The following ZC3H15 variants were observed in gnomAD, a reference collection of about 807,000 sequenced individuals.
The protein encoded by ZC3H15 is zinc finger CCCH-type containing 15.
ZC3H15 carries 15 observed loss-of-function variants against 51.2 expected under a neutral mutation model. The observed-to-expected ratio is 0.29, with a 90% CI of 0.20 to 0.45. The LOEUF (loss-of-function observed/expected upper bound fraction) is 0.45, where lower values mean the gene tolerates loss of function less well. ZC3H15 is among the 20% of genes least tolerant of loss of function. The pLI is 1.00. For missense variants in ZC3H15, 381 were observed against 494.7 expected (o/e 0.77, Z 2.18); for synonymous variants, 144 against 162.8 (o/e 0.88, Z 0.88).
intron 2 of ZC3H15, chr2:186,499,729 A>G (rs766743122): frequency 2.6e-6 from 1 of 384,688 alleles, no homozygotes; most frequent in Non-Finnish European, 5.1e-6. Flanking sequence ...TTTGTTTAAT[A>G]TCCTACATTG....
At chr2:186,494,719 G>A (rs1685254392) in intron 1 of ZC3H15, among the ~76,000 whole-genome samples, 1 of 152,096 alleles carries the variant, frequency 6.6e-6, no homozygotes, top group Middle Eastern at 3.4e-3. Flanking sequence ...CTATCGCAAG[G>A]ACAAAAAACC....
chr2:186,499,342 T>C (rs1428504241), intron 2 of ZC3H15, among the ~76,000 whole-genome samples: 1 of 152,228 alleles, frequency 6.6e-6, no homozygotes, highest in Non-Finnish European at 1.5e-5. Flanking sequence ...TGATGCAATC[T>C]AAGCATCTTA....
intron 9 of ZC3H15, 106 bp from the exon 10 acceptor site, chr2:186,508,437 G>C: frequency 1.0e-6 from 1 of 999,148 alleles, no homozygotes; most frequent in Non-Finnish European, 1.5e-6. Context: ...GGCTTTCATG[G>C]AGAAAAGGAA....
intron 1 of ZC3H15, among the ~76,000 whole-genome samples, chr2:186,494,397 C>A (rs1383251453): frequency 6.6e-6 from 1 of 152,066 alleles, no homozygotes; most frequent in African/African-American, 2.4e-5. Context: ...ATGTATCTTC[C>A]TCTTCTTATG....
At chr2:186,501,533 T>C in intron 4 of ZC3H15, 108 bp downstream of exon 4, 2 of 886,172 alleles carry the variant, frequency 2.3e-6, no homozygotes, top group Non-Finnish European at 3.2e-6. Flanking sequence ...AGACTGTTTA[T>C]AAAAAATAAT....
In ZC3H15 at chr2:186,501,560, T is replaced by G; in HGVS notation, c.442+135T>G. The G allele has an allele frequency of 3.9e-6, 3 of 765,154 alleles. 1 individual carries two copies. Among genetic ancestry groups the G allele is most frequent in the Non-Finnish European group, 3.9e-6 (2 of 511,818 alleles). The allele number at this position is 765,154 out of a possible 1,614,324, so 47.4% of individuals were successfully genotyped here. A position where few individuals can be genotyped will look rare whatever the true frequency, so the allele number is the denominator to read the frequency against. Reference sequence around the variant, plus strand: ...AAAAATAATTAATTGGGTTTATTATTTTTTATAAAATCTGAAAATTACCAT... The same window carrying G: ...AAAAATAATTAATTGGGTTTATTATGTTTTATAAAATCTGAAAATTACCAT... On this transcript the variant is annotated intron_variant, in intron 4 of 9. Transcript: ENST00000337859.
At chr2:186,508,439 GA>G in intron 9 of ZC3H15, 103 bp from the exon 10 acceptor site, 2 of 1,016,032 alleles carry the variant, frequency 2.0e-6, no homozygotes, top group Non-Finnish European at 2.9e-6. Context: ...CTTTCATGGA[GA>G]AAAGGAAAAG....
chr2:186,507,308 A>G (rs532921365), intron 9 of ZC3H15: 2 of 431,062 alleles, frequency 4.6e-6, no homozygotes, highest in South Asian at 1.6e-5. Flanking sequence ...GTAATTGGTT[A>G]TAGGAATAGG....
intron 1 of ZC3H15, chr2:186,488,709 C>T (rs557207778): frequency 6.6e-6 from 1 of 152,156 alleles, no homozygotes; most frequent in African/African-American, 2.4e-5. Context: ...CTAATGGAGT[C>T]ATCTGTAGGG....
At chr2:186,490,610 C>T (rs1685180257) in intron 1 of ZC3H15, among the ~76,000 whole-genome samples, 1 of 152,178 alleles carries the variant, frequency 6.6e-6, no homozygotes, top group Non-Finnish European at 1.5e-5. Flanking sequence ...CTTCTGCCTA[C>T]CCGAATGTCC....
At chr2:186,501,987 G>A (rs1685392842) in intron 4 of ZC3H15, among the ~76,000 whole-genome samples, 1 of 152,046 alleles carries the variant, frequency 6.6e-6, no homozygotes, top group African/African-American at 2.4e-5. Flanking sequence ...TGGGATTACA[G>A]GCATGAGCCA....
At chr2:186,505,638 A>G (rs1387887628) in intron 7 of ZC3H15, 41 bp downstream of exon 7, 8 of 1,598,470 alleles carry the variant, frequency 5.0e-6, no homozygotes, top group Admixed American at 3.4e-5. Flanking sequence ...TTATTCTTCC[A>G]TTTTCAATTT....
intron 2 of ZC3H15, among the ~76,000 whole-genome samples, chr2:186,498,943 T>C (rs1479414627): frequency 6.6e-6 from 1 of 152,186 alleles, no homozygotes; most frequent in Non-Finnish European, 1.5e-5. Context: ...TCAAAAGAGC[T>C]CTACCCAGAT....
rs1248855472 is a variant in ZC3H15, at chr2:186,504,051, A to G, written c.554A>G (p.Glu185Gly). Residue 185 changes from glutamate (E) to glycine (G), a missense_variant, in exon 6 of 10, where the codon GAA becomes GGA. Physicochemically the swap from Glu to Gly is moderately conservative, Grantham distance 98. Transcript: ENST00000337859. Reference sequence around the variant, plus strand: ...CTATAGGTGTGCAAGCATTTCCTGGAAGCTATTGAAAACAACAAGTATGGC... The same window carrying G: ...CTATAGGTGTGCAAGCATTTCCTGGGAGCTATTGAAAACAACAAGTATGGC... ...KTQIVCKHFL[E>G]AIENNKYGWF... The G allele has an allele frequency of 2.5e-6, 4 of 1,595,300 alleles. No individual in the cohort carries two copies. The South Asian group carries it at 3.4e-5, about 14-fold the overall frequency.
At chr2:186,493,269 T>G (rs971176259) in intron 1 of ZC3H15, among the ~76,000 whole-genome samples, 3 of 151,680 alleles carry the variant, frequency 2.0e-5, no homozygotes, top group African/African-American at 7.3e-5. Context: ...ACAGGAGGGG[T>G]CTTCTTGGAG....
intron 9 of ZC3H15, 53 bp downstream of exon 9, chr2:186,506,889 G>A: frequency 3.8e-6 from 6 of 1,563,802 alleles, no homozygotes; most frequent in Non-Finnish European, 1.7e-6. Flanking sequence ...TATCTAAAGG[G>A]GGTTATACCA....
At chr2:186,487,125 T>G (rs1685109609) in intron 1 of ZC3H15, 1 of 152,310 alleles carries the variant, frequency 6.6e-6, no homozygotes, top group East Asian at 1.9e-4. Context: ...CAGTTTGAGA[T>G]ATATGTGTGT....
chr2:186,503,981 T>G, intron 5 of ZC3H15, 51 bp from the exon 6 acceptor site: 2 of 1,431,108 alleles, frequency 1.4e-6, no homozygotes, highest in Non-Finnish European at 1.9e-6. Flanking sequence ...GCATTTACCT[T>G]GGAAATGGCC....
chr2:186,486,965 A>G (rs999898581), intron 1 of ZC3H15: 6 of 153,370 alleles, frequency 3.9e-5, no homozygotes, highest in South Asian at 2.1e-4. Flanking sequence ...TGAAATGTTT[A>G]AAGTCCCATA....
Sources: gnomAD v4.1 joint callset for allele counts (sites outside exome capture counted in the v4.1 genomes callset) on GRCh38, gnomAD v4.1.1 for gene constraint, MANE v1.5 for transcripts, NCBI Gene and HGNC (gene_info 2026-07-23, HGNC 2026-07-21) for gene names.